DPYD: variants seen among roughly 807,000 people sequenced by gnomAD.
DPYD encodes the protein dihydropyrimidine dehydrogenase [NADP(+)].
A neutral mutation model predicts 116.2 loss-of-function variants in DPYD; 109 were observed. The ratio of observed to expected loss-of-function variants is 0.94; its 90% CI spans 0.80 to 1.10. The LOEUF (loss-of-function observed/expected upper bound fraction) is 1.10. DPYD is among the 50% of genes least tolerant of loss of function. The pLI, the probability that DPYD is intolerant of heterozygous loss-of-function variation, is 0.00. For synonymous variants in DPYD, 440 were observed against 432.0 expected (o/e 1.02, Z -0.23); for missense variants, 1,302 against 1,254.5 (o/e 1.04, Z -0.57).
chr1:97,824,193 G>C (rs1669113284), intron 3 of DPYD, among the ~76,000 whole-genome samples: 1 of 152,112 alleles, frequency 6.6e-6, no homozygotes, highest in South Asian at 2.1e-4. Context: ...TAAAATAAGA[G>C]CTACCTTGTC....
Position 97,098,528 on chromosome 1 carries a change from T to A in DPYD, c.2727A>T (p.Arg909Ser). 6.2e-7 allele frequency: 1 copy of A among 1,613,178 alleles called. No individual in the cohort carries two copies. The highest frequency in any genetic ancestry group is 8.5e-7 in the Non-Finnish European group (1 of 1,179,446). The part of the protein sequence containing the change: ...EQNVAFSPLK[R>S]NCFIPKRPIP... ...TAGGCCTTTTGGGGATAAAACAGTT[T>A]CTCTTAAGTGGTGAAAAAGCTACAT... The change falls in exon 21 of 23, where the codon AGA becomes AGT. Residue 909 changes from arginine (R) to serine (S), a missense_variant. Arg to Ser is a moderately radical substitution (Grantham distance 110). Transcript: ENST00000370192.
chr1:97,288,331 G>C (rs6702893), intron 18 of DPYD, among the ~76,000 whole-genome samples: 141,768 of 149,946 alleles, frequency 0.95, 67,562 homozygotes, highest in East Asian at 1. Flanking sequence ...CTGCACCAAG[G>C]GGACCTAATA....
intron 20 of DPYD, among the ~76,000 whole-genome samples, chr1:97,099,016 C>T (rs1341798591): frequency 4.6e-5 from 7 of 151,868 alleles, no homozygotes; most frequent in African/African-American, 1.4e-4. Flanking sequence ...TGCTTTTTTC[C>T]CCTTCATCAG....
At chr1:97,907,821 A>C (rs1271222024) in intron 1 of DPYD, among the ~76,000 whole-genome samples, 1 of 152,062 alleles carries the variant, frequency 6.6e-6, no homozygotes, top group Non-Finnish European at 1.5e-5. Context: ...GCCATTAAAA[A>C]AATTACACAA....
At chr1:97,686,384 C>T (rs1347731025) in intron 7 of DPYD, among the ~76,000 whole-genome samples, 1 of 151,898 alleles carries the variant, frequency 6.6e-6, no homozygotes, top group East Asian at 1.9e-4. Flanking sequence ...CGCCTGTAAT[C>T]CCAGCACTTT....
chr1:97,621,576 C>T (rs1656636367), intron 8 of DPYD, among the ~76,000 whole-genome samples: 1 of 152,064 alleles, frequency 6.6e-6, no homozygotes, highest in Admixed American at 6.6e-5. Flanking sequence ...CATGTATATG[C>T]ATAGGTTAGT....
At chr1:97,185,180 G>C (rs539581038) in intron 20 of DPYD, among the ~76,000 whole-genome samples, 1 of 152,204 alleles carries the variant, frequency 6.6e-6, no homozygotes, top group Non-Finnish European at 1.5e-5. Flanking sequence ...CAAAATATTT[G>C]AATAGACAGT....
chr1:97,081,496 A>G (rs975771123), intron 22 of DPYD, among the ~76,000 whole-genome samples: 2 of 152,068 alleles, frequency 1.3e-5, no homozygotes, highest in African/African-American at 4.8e-5. Flanking sequence ...AAGTATTGTT[A>G]TGATCATTTT....
intron 20 of DPYD, among the ~76,000 whole-genome samples, chr1:97,145,797 T>C (rs1299237721): frequency 4.6e-5 from 7 of 151,472 alleles, no homozygotes. Flanking sequence ...CTAATCCTTT[T>C]GCACCAGGAG....
chr1:97,662,713 G>GA (rs1018291760), intron 8 of DPYD, among the ~76,000 whole-genome samples: 61 of 152,124 alleles, frequency 4.0e-4, no homozygotes, highest in Admixed American at 3.9e-3. Flanking sequence ...CTATTATCAT[G>GA]AAAATCCCTC....
At chr1:97,476,229 T>A (rs1219267783) in intron 13 of DPYD, among the ~76,000 whole-genome samples, 1 of 152,188 alleles carries the variant, frequency 6.6e-6, no homozygotes, top group Non-Finnish European at 1.5e-5. Context: ...AGATCCTTTT[T>A]AAAGACAAAT....
At chr1:97,622,686 C>G (rs543589160) in intron 8 of DPYD, among the ~76,000 whole-genome samples, 2 of 152,086 alleles carry the variant, frequency 1.3e-5, no homozygotes, top group South Asian at 4.2e-4. Context: ...TCCAGCGATT[C>G]TGTATTGTCT....
chr1:97,593,930 G>C (rs1051970104), intron 9 of DPYD, among the ~76,000 whole-genome samples: 1 of 152,018 alleles, frequency 6.6e-6, no homozygotes, highest in Non-Finnish European at 1.5e-5. Flanking sequence ...TCTTGAAATA[G>C]TTCAAATAAA....
intron 13 of DPYD, among the ~76,000 whole-genome samples, chr1:97,456,612 T>A (rs954816556): frequency 6.6e-6 from 1 of 152,090 alleles, no homozygotes; most frequent in Non-Finnish European, 1.5e-5. Context: ...ATCCCTTGTT[T>A]AATGAACTAT....
chr1:97,476,143 G>C (rs1677950174), intron 13 of DPYD, among the ~76,000 whole-genome samples: 1 of 152,036 alleles, frequency 6.6e-6, no homozygotes, highest in African/African-American at 2.4e-5. Context: ...GAATCATCTG[G>C]GGACACTGAA....
chr1:97,734,258 T>A (rs932590586), intron 4 of DPYD, among the ~76,000 whole-genome samples: 1 of 152,104 alleles, frequency 6.6e-6, no homozygotes, highest in Non-Finnish European at 1.5e-5. Context: ...AAAAGTAAAG[T>A]CAAAATTATT....
At chr1:97,727,517 C>T (rs1663336772) in intron 4 of DPYD, among the ~76,000 whole-genome samples, 1 of 151,520 alleles carries the variant, frequency 6.6e-6, no homozygotes, top group South Asian at 2.1e-4. Context: ...TGTGGAAATT[C>T]TCAGAAAGGA....
Position 97,740,455 on chromosome 1 carries a change from C to G in DPYD, c.258G>C (p.Pro86=). 6.2e-7 allele frequency: 1 copy of G among 1,612,980 alleles called. No individual in the cohort carries two copies. The highest frequency in any genetic ancestry group is 8.5e-7 in the Non-Finnish European group (1 of 1,179,412). The change falls in exon 4 of 23, where the codon CCG becomes CCC. Residue 86 remains proline, a synonymous_variant. Coordinates refer to ENST00000370192, the MANE Select transcript of DPYD (RefSeq NM_000110.4). ...AMRCLKCADA[P]CQKSCPTNLD... is the part of the protein sequence containing the mutation. ...GATTAGTTGGACAGCTCTTCTGACA[C>G]GGGGCATCTGCACATTTCAGGCATC...
intron 14 of DPYD, among the ~76,000 whole-genome samples, chr1:97,438,457 T>C (rs1476919839): frequency 6.6e-6 from 1 of 152,084 alleles, no homozygotes; most frequent in Non-Finnish European, 1.5e-5. Context: ...TTATCTGTAT[T>C]TCATGATTTG....
Sources: allele counts gnomAD v4.1 joint callset (sites outside exome capture counted in the v4.1 genomes callset), GRCh38; gene constraint gnomAD v4.1.1; transcripts MANE v1.5; gene names NCBI Gene and HGNC (gene_info 2026-07-23, HGNC 2026-07-21).